The following CASD1 variants were observed in gnomAD, a reference collection of about 807,000 sequenced individuals.
CASD1 encodes CAS1 domain sialic acid O acetyltransferase 1.
CASD1 carries 41 observed loss-of-function variants against 100.0 expected under a neutral mutation model. The ratio of observed to expected loss-of-function variants is 0.41; its 90% CI spans 0.32 to 0.53. The LOEUF (loss-of-function observed/expected upper bound fraction) is 0.53. CASD1 is among the 20% of genes least tolerant of loss of function. The pLI is 0.25. For missense variants in CASD1, 774 were observed against 948.7 expected, an observed-to-expected ratio of 0.82 and a Z score of 2.42; for synonymous variants, 321 against 315.6, an observed-to-expected ratio of 1.02 and a Z score of -0.18.
intron 7 of CASD1, among the ~76,000 whole-genome samples, chr7:94,534,563 G>T (rs1299365404): frequency 6.6e-6 from 1 of 152,164 alleles, no homozygotes; most frequent in African/African-American, 2.4e-5. Flanking sequence ...GCTTGGTAAT[G>T]AAATTCTTAG....
chr7:94,510,338 G>A lies in CASD1; in HGVS notation c.133+121G>A, dbSNP rs1000370231. On this transcript the variant is annotated intron_variant, in intron 1 of 17. Coordinates refer to ENST00000297273, the MANE Select transcript of CASD1 (RefSeq NM_022900.5). Reference sequence around the variant, plus strand: ...GCCTTCCGCCGGCCCGGCCCGCGGGGGAGGCGGTTCCCCCAGGTGTCCCCA... The same window carrying A: ...GCCTTCCGCCGGCCCGGCCCGCGGGAGAGGCGGTTCCCCCAGGTGTCCCCA... 9.3e-6 allele frequency: 7 copies of A among 752,684 alleles called. No individual in the cohort carries two copies. The Admixed American group carries it at 1.3e-4, about 14-fold the overall frequency. 46.6% of individuals were successfully genotyped at this position (752,684 alleles called of 1,614,324 possible).
rs1210889573 is a variant in CASD1, at chr7:94,509,865, C to T, written c.-220C>T. 2 of 1,021,198 alleles carry T rather than the reference C, an allele frequency of 2.0e-6. No individual in the cohort carries two copies. Among genetic ancestry groups the T allele is most frequent in the Middle Eastern group, 4.8e-4 (1 of 2,104 alleles). The allele number at this position is 1,021,198 out of a possible 1,614,324, so 63.3% of individuals were successfully genotyped here. On this transcript the variant is annotated 5_prime_UTR_variant, in exon 1 of 18. Coordinates refer to ENST00000297273, the MANE Select transcript of CASD1 (RefSeq NM_022900.5). ...GCACGGCGGAGCAGCGGCGGCGGGG[C>T]TGGGGGGAGGCCGCCGAGTCGGCCG...
chr7:94,588,330 C>A, the CASD1 span: 1 of 1,081,484 alleles, frequency 9.2e-7, no homozygotes, highest in Non-Finnish European at 1.1e-6. Context: ...CTTGAAACTT[C>A]AAGCTGCTCA....
At chr7:94,587,568 T>C in the CASD1 span, 5 of 1,330,256 alleles carry the variant, frequency 3.8e-6, no homozygotes, top group Non-Finnish European at 3.8e-6. Flanking sequence ...TTTATCTTTT[T>C]TCTCTCTTTA....
At chr7:94,512,302 G>A (rs1793750865) in intron 1 of CASD1, among the ~76,000 whole-genome samples, 2 of 152,158 alleles carry the variant, frequency 1.3e-5, no homozygotes, top group Admixed American at 1.3e-4. Flanking sequence ...GAAGGTTTAC[G>A]AATTTGGGCT....
At position 94,517,655 on chromosome 7, in the gene CASD1, A is replaced by C; in HGVS notation, c.229A>C (p.Ser77Arg). Reference protein sequence around the residue: ...HSCMMHKYKISEAKNCLVDKH... With the variant: ...HSCMMHKYKIREAKNCLVDKH... Reference sequence around the variant, plus strand: ...TTGTATGATGCATAAATACAAAATCAGGTAACATTTCTTCATTTTGTTGTT... The same window carrying C: ...TTGTATGATGCATAAATACAAAATCCGGTAACATTTCTTCATTTTGTTGTT... The change falls in exon 2 of 18, where the codon AGT becomes CGT. Residue 77 changes from serine (S) to arginine (R), a missense_variant and splice_region_variant. By Grantham distance (110) the Ser-to-Arg change is moderately radical. Transcript: ENST00000297273. The C allele has an allele frequency of 6.3e-7, 1 of 1,584,364 alleles. No homozygotes were observed.
chr7:94,552,213 A>T, intron 15 of CASD1, 137 bp from the exon 16 acceptor site: 1 of 639,456 alleles, frequency 1.6e-6, no homozygotes, highest in Non-Finnish European at 2.7e-6. Context: ...ACTTGCAAGC[A>T]GTTTTTACTG....
chr7:94,625,335 T>A, the CASD1 span: 1 of 152,040 alleles, frequency 6.6e-6, no homozygotes, highest in East Asian at 1.9e-4. Context: ...AGTCACTATA[T>A]TATATGAAAG....
the CASD1 span, among the ~76,000 whole-genome samples, chr7:94,564,991 G>A: frequency 5.9e-5 from 9 of 151,982 alleles, no homozygotes; most frequent in Non-Finnish European, 1.2e-4. Context: ...GCTTTATTGG[G>A]CTACAGCTCT....
chr7:94,560,774 T>A (rs1378238110), downstream of CASD1, among the ~76,000 whole-genome samples: 1 of 151,916 alleles, frequency 6.6e-6, no homozygotes, highest in Non-Finnish European at 1.5e-5. Context: ...GGGGTGAGAG[T>A]GATAAATTCC....
intron 11 of CASD1, 132 bp downstream of exon 11, chr7:94,544,662 AGTT>A (rs1287295066): frequency 2.3e-6 from 2 of 860,586 alleles, no homozygotes; most frequent in South Asian, 2.2e-5. Flanking sequence ...AGCACTGTGA[AGTT>A]GTATTCTGTG....
At chr7:94,629,892 G>C in the CASD1 span, 1 of 1,600,890 alleles carries the variant, frequency 6.2e-7, no homozygotes, top group Non-Finnish European at 8.5e-7. Flanking sequence ...AATGAGATAC[G>C]CCCTTGATAA....
the CASD1 span, chr7:94,629,292 A>G: frequency 6.2e-6 from 1 of 160,018 alleles, no homozygotes; most frequent in Non-Finnish European, 1.4e-5. Context: ...GAGTTATATA[A>G]AATTATCTCC....
chr7:94,577,628 A>G, the CASD1 span, among the ~76,000 whole-genome samples: 1 of 151,184 alleles, frequency 6.6e-6, no homozygotes, highest in African/African-American at 2.4e-5. Context: ...GTAGATTCCA[A>G]AAAGATAATG....
chr7:94,551,620 C>T (rs1795953520), intron 15 of CASD1, 142 bp downstream of exon 15: 1 of 324,184 alleles, frequency 3.1e-6, no homozygotes. Flanking sequence ...TAATACTTCT[C>T]TCCCAGTAAT....
chr7:94,527,091 C>G, intron 3 of CASD1, 71 bp from the exon 4 acceptor site: 2 of 1,095,914 alleles, frequency 1.8e-6, no homozygotes, highest in Non-Finnish European at 2.7e-6. Flanking sequence ...TAAATCAAAG[C>G]AGCTAAATGG....
At chr7:94,525,843 T>C (rs565703438) in intron 3 of CASD1, among the ~76,000 whole-genome samples, 1 of 152,326 alleles carries the variant, frequency 6.6e-6, no homozygotes, top group East Asian at 1.9e-4. Context: ...TCATGGAGAT[T>C]ACAGTATAAA....
intron 13 of CASD1, 66 bp downstream of exon 13, chr7:94,547,241 A>G: frequency 8.3e-7 from 1 of 1,200,144 alleles, no homozygotes; most frequent in Non-Finnish European, 1.2e-6. Context: ...CTATTAAAGC[A>G]TGTGAGAAGA....
the CASD1 span, chr7:94,599,847 G>A: frequency 3.1e-4 from 235 of 757,364 alleles, 2 homozygotes; most frequent in Middle Eastern, 2.8e-3. Context: ...AATGCAACCA[G>A]GCAGCATTTG....
Sources: gnomAD v4.1 joint callset for allele counts (sites outside exome capture counted in the v4.1 genomes callset) on GRCh38, gnomAD v4.1.1 for gene constraint, MANE v1.5 for transcripts, NCBI Gene and HGNC (gene_info 2026-07-23, HGNC 2026-07-21) for gene names.